TBC1D8: variants seen among roughly 807,000 people sequenced by gnomAD.
TBC1D8 encodes BUB2-like protein 1.
Under a neutral mutation model 118.8 loss-of-function variants are expected in TBC1D8, and 65 were observed. The ratio of observed to expected loss-of-function variants is 0.55; its 90% CI spans 0.45 to 0.67. The LOEUF is 0.67. Among genes scored for constraint, TBC1D8 ranks in the 30% least tolerant of loss-of-function variants. The pLI is 0.00. For synonymous variants in TBC1D8, 566 were observed against 595.8 expected (o/e 0.95, Z 0.73); for missense variants, 1,376 against 1,471.2 (o/e 0.94, Z 1.06).
intron 19 of TBC1D8, 45 bp from the exon 20 acceptor site, chr2:101,008,318 A>G (rs1397112538): frequency 6.9e-7 from 1 of 1,440,848 alleles, no homozygotes; most frequent in Admixed American, 2.7e-5. Context: ...CCAGGGTGGA[A>G]GTGTCATTTT....
intron 1 of TBC1D8, among the ~76,000 whole-genome samples, chr2:101,132,394 A>G (rs1225832797): frequency 6.6e-6 from 1 of 152,190 alleles, no homozygotes; most frequent in African/African-American, 2.4e-5. Flanking sequence ...CCAAGCTGCC[A>G]GGTGACCCCA....
chr2:101,098,485 G>T (rs990006678), intron 1 of TBC1D8, among the ~76,000 whole-genome samples: 1 of 152,072 alleles, frequency 6.6e-6, no homozygotes, highest in Non-Finnish European at 1.5e-5. Flanking sequence ...GGATATTCAG[G>T]ACTTGAACTC....
At chr2:101,080,808 G>A (rs909772462) in intron 2 of TBC1D8, among the ~76,000 whole-genome samples, 9 of 151,770 alleles carry the variant, frequency 5.9e-5, no homozygotes, top group African/African-American at 2.2e-4. Flanking sequence ...TTGGAGACAG[G>A]GTCTTGCTCT....
At position 101,120,959 on chromosome 2, in the gene TBC1D8, T is replaced by C. The variant is rs569822646; in HGVS notation, c.127+30168A>G. 6.5e-4 allele frequency among the ~76,000 whole-genome samples: 99 copies of C among 152,316 alleles called. 1 individual carries two copies. The highest frequency in any genetic ancestry group is 5.8e-3 in the Admixed American group (89 of 15,298). ...CTACAGCTGGATGTGTAGCAATCATTACAGGGTATCTTTACGTTCATTTTT... is the reference window on the plus strand; with the variant it reads ...CTACAGCTGGATGTGTAGCAATCATCACAGGGTATCTTTACGTTCATTTTT... On this transcript the variant is annotated intron_variant, in intron 1 of 19. Coordinates refer to ENST00000409318, the MANE Select transcript of TBC1D8 (RefSeq NM_001330348.2).
intron 5 of TBC1D8, among the ~76,000 whole-genome samples, chr2:101,048,753 A>C (rs1681866720): frequency 6.6e-6 from 1 of 152,172 alleles, no homozygotes; most frequent in African/African-American, 2.4e-5. Context: ...AAAAAAAAAA[A>C]ACACTATATT....
intron 17 of TBC1D8, 142 bp from the exon 18 acceptor site, chr2:101,011,682 A>G (rs190655271): frequency 2.8e-6 from 2 of 726,440 alleles, no homozygotes; most frequent in East Asian, 5.4e-5. Flanking sequence ...CCACGAACCC[A>G]AATGCACACC....
At chr2:101,087,066 G>A (rs1423935842) in intron 2 of TBC1D8, among the ~76,000 whole-genome samples, 2 of 152,042 alleles carry the variant, frequency 1.3e-5, no homozygotes, top group Non-Finnish European at 2.9e-5. Flanking sequence ...TTACAGGAGT[G>A]AGCCACCGCG....
chr2:101,113,761 G>C (rs543578719), intron 1 of TBC1D8, among the ~76,000 whole-genome samples: 2 of 152,304 alleles, frequency 1.3e-5, no homozygotes, highest in African/African-American at 4.8e-5. Flanking sequence ...GAGAGGCAAA[G>C]GGGTCAGTGA....
chr2:101,136,492 G>A (rs1472809610), intron 1 of TBC1D8, among the ~76,000 whole-genome samples: 4 of 152,104 alleles, frequency 2.6e-5, no homozygotes, highest in Non-Finnish European at 5.9e-5. Flanking sequence ...CCCAGCCTCA[G>A]GTATTCTAAA....
At chr2:101,010,265 T>C (rs1679105321) in intron 19 of TBC1D8, among the ~76,000 whole-genome samples, 1 of 152,206 alleles carries the variant, frequency 6.6e-6, no homozygotes, top group Non-Finnish European at 1.5e-5. Flanking sequence ...CAGTACTGTG[T>C]ATCATGCAGC....
chr2:101,013,051 T>C (rs1023884109), intron 17 of TBC1D8, among the ~76,000 whole-genome samples: 3 of 152,116 alleles, frequency 2.0e-5, no homozygotes, highest in African/African-American at 7.2e-5. Flanking sequence ...TAGAAATGTG[T>C]ATACAAGTCA....
chr2:101,010,020 G>T (rs1340390822), intron 19 of TBC1D8, among the ~76,000 whole-genome samples: 1 of 151,786 alleles, frequency 6.6e-6, no homozygotes, highest in Non-Finnish European at 1.5e-5. Flanking sequence ...TAGAGACGGG[G>T]TTTCACCATG....
chr2:101,052,463 T>C (rs1682133604), intron 4 of TBC1D8, among the ~76,000 whole-genome samples: 1 of 145,842 alleles, frequency 6.9e-6, no homozygotes, highest in African/African-American at 2.6e-5. Flanking sequence ...TTAGGAATCA[T>C]TTATTTTTCC....
chr2:101,021,854 C>T, intron 16 of TBC1D8, 108 bp from the exon 17 acceptor site: 2 of 711,678 alleles, frequency 2.8e-6, no homozygotes, highest in Non-Finnish European at 2.4e-6. Context: ...ACCTGCCACC[C>T]CCAACTCTCC....
intron 2 of TBC1D8, among the ~76,000 whole-genome samples, chr2:101,066,294 AATAAAATAAAATAAAT>A (rs1346860456): frequency 6.6e-5 from 10 of 152,028 alleles, no homozygotes; most frequent in Non-Finnish European, 1.3e-4. Context: ...AAAAAAATAA[AATAAAATAAAATAAAT>A]ATAAATATAC....
intron 17 of TBC1D8, chr2:101,018,947 C>G: frequency 6.3e-7 from 1 of 1,598,014 alleles, no homozygotes; most frequent in Non-Finnish European, 8.5e-7. Flanking sequence ...TGCTCTTCGT[C>G]TGTGTGTTAC....
At chr2:101,096,443 A>AAAAAAAAAAAAAAAAAAC (rs1553418002) in intron 1 of TBC1D8, among the ~76,000 whole-genome samples, 2 of 131,456 alleles carry the variant, frequency 1.5e-5, no homozygotes, top group Non-Finnish European at 1.7e-5. Context: ...AAAAAAAAAA[A>AAAAAAAAAAAAAAAAAAC]AAAACTATAA....
At chr2:101,145,392 C>T (rs1679279913) in intron 1 of TBC1D8, among the ~76,000 whole-genome samples, 1 of 152,066 alleles carries the variant, frequency 6.6e-6, no homozygotes, top group African/African-American at 2.4e-5. Context: ...GAAAAAATAC[C>T]AAAGCATGTA....
At chr2:101,054,450 C>T in intron 3 of TBC1D8, 114 bp from the exon 4 acceptor site, 2 of 1,052,210 alleles carry the variant, frequency 1.9e-6, no homozygotes, top group South Asian at 1.5e-5. Flanking sequence ...GAAGTGTGCG[C>T]TGCTTCAACG....
Sources: gnomAD v4.1 joint callset for allele counts (sites outside exome capture counted in the v4.1 genomes callset) on GRCh38, gnomAD v4.1.1 for gene constraint, MANE v1.5 for transcripts, NCBI Gene and HGNC (gene_info 2026-07-23, HGNC 2026-07-21) for gene names.